The following OR10H5 variants were observed in gnomAD, a reference collection of about 807,000 sequenced individuals.
OR10H5 encodes olfactory receptor family 10 subfamily H member 5, also known as olfactory receptor 10H5.
A neutral mutation model predicts 12.2 loss-of-function variants in OR10H5; 7 were observed. The ratio of observed to expected loss-of-function variants is 0.57; its 90% CI spans 0.33 to 1.07. The LOEUF (loss-of-function observed/expected upper bound fraction) is 1.07, where lower values mean the gene tolerates loss of function less well. Among genes scored for constraint, OR10H5 ranks in the 50% least tolerant of loss-of-function variants. OR10H5 has a pLI of 0.04. For synonymous variants in OR10H5, 159 were observed against 175.1 expected (o/e 0.91, Z 0.73); for missense variants, 346 against 411.6 (o/e 0.84, Z 1.38).
rs565324163 is a variant in OR10H5 at position 15,788,588 on chromosome 19, T to A, written c.-12+872T>A. On this transcript the variant is annotated intron_variant, in intron 1 of 1. Coordinates refer to ENST00000642092, the MANE Select transcript of OR10H5 (RefSeq NM_001004466.2). ...ATCACAGCTCACTGCAGCCTCGACC[T>A]CCCAGGCTCAACTGATCCTCCCACT... 2.7e-4 allele frequency among the ~76,000 whole-genome samples: 41 copies of A among 152,260 alleles called. 1 individual carries two copies. The highest frequency in any genetic ancestry group is 9.9e-4 in the African/African-American group (41 of 41,562).
At chr19:15,790,781 T>C (rs1042526324) in intron 1 of OR10H5, among the ~76,000 whole-genome samples, 12 of 152,172 alleles carry the variant, frequency 7.9e-5, no homozygotes, top group African/African-American at 2.9e-4. Context: ...CATTCCTAAC[T>C]TGAGCCAAAC....
In OR10H5 at chr19:15,794,617, G is replaced by C. The variant is rs141262320; in HGVS notation, c.569G>C (p.Gly190Ala). The C allele has an allele frequency of 2.0e-4, 318 of 1,614,180 alleles. 2 individuals are homozygous for C. In the Middle Eastern group the frequency reaches 2.5e-3, roughly 13 times the overall value. ...HVPPLLKLAC[G>A]DDVLVVAKGV... ...CCACCTCTGTTGAAGTTGGCCTGTG[G>C]AGATGATGTGCTGGTGGTGGCCAAA... Residue 190 changes from glycine to alanine, a missense_variant, in exon 2 of 2, where the codon GGA becomes GCA. Coordinates refer to ENST00000642092, the MANE Select transcript of OR10H5 (RefSeq NM_001004466.2).
intron 1 of OR10H5, 45 bp from the exon 2 acceptor site, chr19:15,793,993 T>C: frequency 6.5e-7 from 1 of 1,527,616 alleles, no homozygotes; most frequent in Non-Finnish European, 8.9e-7. Flanking sequence ...TAGACACCCC[T>C]GTGCTCCTAA....
chr19:15,790,052 G>C (rs1355892689), intron 1 of OR10H5, among the ~76,000 whole-genome samples: 1 of 152,182 alleles, frequency 6.6e-6, no homozygotes, highest in East Asian at 1.9e-4. Flanking sequence ...CTCCAAAAGT[G>C]CTGGGATTAT....
In OR10H5 at chr19:15,794,978, C is replaced by G. The variant is rs267605325; in HGVS notation, c.930C>G (p.Leu310=). Reference sequence around the variant, plus strand: ...TGAAGAAGACTTGCTTCACCAAACTCTTTCCACAGAACTGCTGAAATGGCT... The same window carrying G: ...TGAAGAAGACTTGCTTCACCAAACTGTTTCCACAGAACTGCTGAAATGGCT... ...VAMKKTCFTK[L]FPQNC The change falls in exon 2 of 2, where the codon CTC becomes CTG. Residue 310 remains leucine (L), a synonymous_variant. Transcript: ENST00000642092. The G allele has an allele frequency of 6.2e-7, 1 of 1,614,100 alleles. No homozygotes were observed. The highest frequency in any genetic ancestry group is 8.5e-7 in the Non-Finnish European group (1 of 1,179,960).
At chr19:15,791,229 C>G (rs568905458) in intron 1 of OR10H5, among the ~76,000 whole-genome samples, 99 of 152,100 alleles carry the variant, frequency 6.5e-4, no homozygotes, top group African/African-American at 2.3e-3. Flanking sequence ...ACCTGTAATC[C>G]GAGCTACTCG....
At position 15,798,452 on chromosome 19, in the gene OR10H5, G is replaced by A. The variant is rs1468959392; in HGVS notation, c.*3456G>A. On this transcript the variant is annotated 3_prime_UTR_variant, in exon 2 of 2. Transcript: ENST00000642092. ...CTTGATAATGGTCCCCTCTGTGATTGGTATCCCCAAGGCAGGACCAGAGCC... is the reference window on the plus strand; with the variant it reads ...CTTGATAATGGTCCCCTCTGTGATTAGTATCCCCAAGGCAGGACCAGAGCC... 4 of 152,010 alleles carry A rather than the reference G, an allele frequency of 2.6e-5. No individual in the cohort carries two copies. Among genetic ancestry groups the A allele is most frequent in the African/African-American group, 7.3e-5 (3 of 41,344 alleles). 9.4% of individuals were successfully genotyped at this position (152,010 alleles called of 1,614,324 possible).
intron 1 of OR10H5, chr19:15,793,802 C>T (rs936281420): frequency 2.2e-6 from 1 of 453,768 alleles, no homozygotes; most frequent in Middle Eastern, 5.9e-4. Context: ...TCACTTGAAC[C>T]CAGGAGGCAG....
chr19:15,800,213 T>C lies in OR10H5; in HGVS notation c.*5217T>C, dbSNP rs921817037. The C allele has an allele frequency of 6.6e-6, 1 of 152,156 alleles. No individual in the cohort carries two copies. Among genetic ancestry groups the C allele is most frequent in the Admixed American group, 6.5e-5 (1 of 15,270 alleles). 9.4% of individuals were successfully genotyped at this position (152,156 alleles called of 1,614,324 possible). On this transcript the variant is annotated 3_prime_UTR_variant, in exon 2 of 2. Coordinates refer to ENST00000642092, the MANE Select transcript of OR10H5 (RefSeq NM_001004466.2). ...TCCCATATATATTAATTGGTGCAAT[T>C]ATTTGTTTATTTATGTCTTCCTCTT...
Position 15,788,254 on chromosome 19 carries a change from G to C in OR10H5, c.-12+538G>C, listed in dbSNP as rs553201972. ...AATGCATTCTTGCAGGGTTCTGGAG[G>C]CTAGACGTCTTAAAGCAAGACGTCT... is the stretch of plus-strand genomic sequence containing the variant. On this transcript the variant is annotated intron_variant, in intron 1 of 1. Transcript: ENST00000642092. 5.3e-5 allele frequency among the ~76,000 whole-genome samples: 8 copies of C among 152,130 alleles called. No homozygotes were observed. The South Asian group carries it at 1.7e-3, about 32-fold the overall frequency.
intron 1 of OR10H5, among the ~76,000 whole-genome samples, chr19:15,790,970 A>G (rs1388771902): frequency 6.6e-6 from 1 of 152,160 alleles, no homozygotes. Flanking sequence ...TCATAGAAGT[A>G]AAAAGTAGGA....
At position 15,794,714 on chromosome 19, in the gene OR10H5, C is replaced by T. The variant is rs376054924; in HGVS notation, c.666C>T (p.Ile222=). ...FLLILLSYAF[I]VAAILKIPSA... is the part of the protein sequence containing the mutation. ...TCATCCTCCTCTCCTATGCCTTCAT[C>T]GTGGCCGCCATCTTGAAGATCCCTT... Residue 222 remains isoleucine, a synonymous_variant, in exon 2 of 2, where the codon ATC becomes ATT. Coordinates refer to ENST00000642092, the MANE Select transcript of OR10H5 (RefSeq NM_001004466.2). 9 of 1,613,922 alleles carry T rather than the reference C, an allele frequency of 5.6e-6. No individual in the cohort carries two copies. The highest frequency in any genetic ancestry group is 3.3e-5 in the Admixed American group (2 of 60,014).
rs769943302 is a variant in OR10H5 at position 15,794,748 on chromosome 19, G to A, written c.700G>A (p.Gly234Ser). ...AAILKIPSAEGRNKAFSTCAS... is the reference protein window; with the variant it reads ...AAILKIPSAESRNKAFSTCAS... ...CATCTTGAAGATCCCTTCTGCTGAA[G>A]GTCGGAACAAGGCCTTCTCCACCTG... Residue 234 changes from glycine to serine, a missense_variant, in exon 2 of 2, where the codon GGT (glycine) becomes AGT (serine). By Grantham distance (56) the Gly-to-Ser change is moderately conservative (BLOSUM62 0). Transcript: ENST00000642092. 6.2e-7 allele frequency: 1 copy of A among 1,613,584 alleles called. No homozygotes were observed. Among genetic ancestry groups the A allele is most frequent in the East Asian group, 2.2e-5 (1 of 44,842 alleles).
At chr19:15,792,996 A>T (rs2088816127) in intron 1 of OR10H5, among the ~76,000 whole-genome samples, 1 of 152,186 alleles carries the variant, frequency 6.6e-6, no homozygotes, top group African/African-American at 2.4e-5. Flanking sequence ...AGATTTAAAA[A>T]TAGGAATAAT....
chr19:15,794,183 C>A lies in OR10H5; in HGVS notation c.135C>A (p.Ile45=). Residue 45 remains isoleucine (I), a synonymous_variant, in exon 2 of 2, where the codon ATC becomes ATA. Coordinates refer to ENST00000642092, the MANE Select transcript of OR10H5 (RefSeq NM_001004466.2). The part of the protein sequence containing the change: ...YLFTLLGNLL[I]MATVWSERSL... ...TCACGCTGCTGGGCAACCTGCTCAT[C>A]ATGGCCACTGTCTGGAGCGAGCGCA... 2 of 1,614,192 alleles carry A rather than the reference C, an allele frequency of 1.2e-6. No individual in the cohort carries two copies. The highest frequency in any genetic ancestry group is 1.7e-6 in the Non-Finnish European group (2 of 1,180,032).
Position 15,795,992 on chromosome 19 carries a change from T to C in OR10H5, c.*996T>C, listed in dbSNP as rs2088838412. On this transcript the variant is annotated 3_prime_UTR_variant, in exon 2 of 2. Transcript: ENST00000642092. ...CTCACGATGTTGCCCAGGCTAGTCTTGAACTCCTGGCCTCAAGCAATCCTG... is the reference window on the plus strand; with the variant it reads ...CTCACGATGTTGCCCAGGCTAGTCTCGAACTCCTGGCCTCAAGCAATCCTG... The C allele has an allele frequency of 6.6e-6, 1 of 152,190 alleles. No individual in the cohort carries two copies. The highest frequency in any genetic ancestry group is 2.1e-4 in the South Asian group (1 of 4,826). 9.4% of individuals were successfully genotyped at this position (152,190 alleles called of 1,614,324 possible). A position where few individuals can be genotyped will look rare whatever the true frequency, so the allele number is the denominator to read the frequency against.
At position 15,794,478 on chromosome 19, in the gene OR10H5, C is replaced by G. The variant is rs577671423; in HGVS notation, c.430C>G (p.Arg144Gly). The G allele has an allele frequency of 1.5e-5, 25 of 1,614,118 alleles. No homozygotes were observed. The highest frequency in any genetic ancestry group is 1.9e-5 in the Non-Finnish European group (22 of 1,180,056). ...VLMSLRGCTC[R>G]VGCSWAGGLV... ...CATGAGCCTGCGGGGCTGCACCTGCCGGGTGGGCTGCTCCTGGGCTGGTGG... is the reference window on the plus strand; with the variant it reads ...CATGAGCCTGCGGGGCTGCACCTGCGGGGTGGGCTGCTCCTGGGCTGGTGG... The change falls in exon 2 of 2, where the codon CGG becomes GGG. Residue 144 changes from arginine (R) to glycine (G), a missense_variant. Transcript: ENST00000642092.
intron 1 of OR10H5, among the ~76,000 whole-genome samples, chr19:15,792,252 T>C: frequency 6.6e-6 from 1 of 152,318 alleles, no homozygotes; most frequent in East Asian, 1.9e-4. Flanking sequence ...TTCTAAAGAT[T>C]ATTATGTGAT....
At position 15,799,847 on chromosome 19, in the gene OR10H5, G is replaced by A. The variant is rs56034912; in HGVS notation, c.*4851G>A. On this transcript the variant is annotated 3_prime_UTR_variant, in exon 2 of 2. Transcript: ENST00000642092. ...TGTCAGACTCCCTGGAATTACAGGCGTGCCACCATGCCTGGCTAAATTTTT... is the reference window on the plus strand; with the variant it reads ...TGTCAGACTCCCTGGAATTACAGGCATGCCACCATGCCTGGCTAAATTTTT... 59,106 of 151,680 alleles carry A rather than the reference G, an allele frequency of 0.39. 12,321 individuals are homozygous for A. Among genetic ancestry groups the A allele is most frequent in the African/African-American group, 0.51 (21,238 of 41,310 alleles). 9.4% of individuals were successfully genotyped at this position (151,680 alleles called of 1,614,324 possible). A position where few individuals can be genotyped will look rare whatever the true frequency, so the allele number is the denominator to read the frequency against.
Sources: gnomAD v4.1 joint callset for allele counts (sites outside exome capture counted in the v4.1 genomes callset) on GRCh38, gnomAD v4.1.1 for gene constraint, MANE v1.5 for transcripts, NCBI Gene and HGNC (gene_info 2026-07-23, HGNC 2026-07-21) for gene names.